CTNNA3: variants seen among roughly 807,000 people sequenced by gnomAD.
CTNNA3 encodes catenin alpha-3.
A neutral mutation model predicts 95.7 loss-of-function variants in CTNNA3; 76 were observed. The ratio of observed to expected loss-of-function variants is 0.79; its 90% CI spans 0.66 to 0.96. The LOEUF (loss-of-function observed/expected upper bound fraction) is 0.96, where lower values mean the gene tolerates loss of function less well. CTNNA3 is among the 40% of genes least tolerant of loss of function. The pLI, the probability that CTNNA3 is intolerant of heterozygous loss-of-function variation, is 0.00. For missense variants in CTNNA3, 1,191 were observed against 1,089.8 expected (o/e 1.09, Z -1.31); for synonymous variants, 431 against 374.4 (o/e 1.15, Z -1.74).
At chr10:67,739,995 A>G (rs1324285056) in intron 1 of CTNNA3, among the ~76,000 whole-genome samples, 5 of 152,184 alleles carry the variant, frequency 3.3e-5, no homozygotes, top group Non-Finnish European at 5.9e-5. Flanking sequence ...GCCCTCAGAA[A>G]TAACGCCGCA....
intron 9 of CTNNA3, among the ~76,000 whole-genome samples, chr10:66,651,800 G>GGCCCTTGATCGCGGCACACTGCAGC (rs138035312): frequency 6.6e-6 from 1 of 151,348 alleles, no homozygotes; most frequent in African/African-American, 2.4e-5. Context: ...AACCCGCATT[G>GGCCCTTGATCGCGGCACACTGCAGC]GCCGGTTCCC....
At chr10:67,156,432 C>CT (rs1263039493) in intron 7 of CTNNA3, among the ~76,000 whole-genome samples, 2 of 151,682 alleles carry the variant, frequency 1.3e-5, no homozygotes, top group African/African-American at 4.8e-5. Flanking sequence ...AAACTTCCCT[C>CT]TTAGTACTGG....
At chr10:66,955,883 G>T (rs1331079746) in intron 7 of CTNNA3, among the ~76,000 whole-genome samples, 2 of 152,068 alleles carry the variant, frequency 1.3e-5, no homozygotes, top group Non-Finnish European at 2.9e-5. Context: ...GATCTGACTG[G>T]GGGGTATCTT....
At chr10:66,285,094 A>G (rs1190833280) in intron 12 of CTNNA3, among the ~76,000 whole-genome samples, 1 of 151,626 alleles carries the variant, frequency 6.6e-6, no homozygotes, top group Non-Finnish European at 1.5e-5. Flanking sequence ...GATATGTCCC[A>G]AAGTACTGAC....
intron 7 of CTNNA3, among the ~76,000 whole-genome samples, chr10:67,153,058 C>A (rs746800928): frequency 1.8e-4 from 27 of 152,102 alleles, no homozygotes; most frequent in Non-Finnish European, 2.4e-4. Flanking sequence ...TCACTGCAAC[C>A]TCTGCCTCCC....
At chr10:67,185,271 G>A (rs147585055) in intron 6 of CTNNA3, among the ~76,000 whole-genome samples, 3,553 of 152,028 alleles carry the variant, frequency 0.023, 118 homozygotes, top group African/African-American at 0.074. Context: ...GGGACTACAG[G>A]TACACGTCAC....
intron 5 of CTNNA3, among the ~76,000 whole-genome samples, chr10:67,317,716 G>A (rs561331315): frequency 3.3e-5 from 5 of 152,126 alleles, no homozygotes; most frequent in Admixed American, 2.0e-4. Context: ...GAGCCACCGC[G>A]CCTGGCCATC....
rs1314166017 is a variant in CTNNA3, at chr10:67,719,134, G to T, written c.-2+44300C>A. Among the ~76,000 whole-genome samples, 3 of 152,076 alleles carry T rather than the reference G, an allele frequency of 2.0e-5. No homozygotes were observed. In the South Asian group the frequency reaches 6.2e-4, roughly 32 times the overall value. On this transcript the variant is annotated intron_variant, in intron 1 of 17. Transcript: ENST00000684154. ...CTCTGATGGTAGTTTGTATTTCTGT[G>T]GGATCAGTGGTGATAACCCCTTTAT...
chr10:66,426,056 C>G (rs1008009575), intron 11 of CTNNA3, among the ~76,000 whole-genome samples: 7 of 152,068 alleles, frequency 4.6e-5, no homozygotes, highest in Non-Finnish European at 1.5e-5. Context: ...TATCATATGA[C>G]TGTTTCATTC....
intron 1 of CTNNA3, among the ~76,000 whole-genome samples, chr10:67,726,141 T>C (rs1383637533): frequency 9.2e-6 from 1 of 109,230 alleles, no homozygotes; most frequent in Non-Finnish European, 1.7e-5. Flanking sequence ...ATATATATTA[T>C]ATTATATATT....
At chr10:67,555,519 G>A (rs1321158029) in intron 3 of CTNNA3, among the ~76,000 whole-genome samples, 3 of 152,088 alleles carry the variant, frequency 2.0e-5, no homozygotes, top group African/African-American at 7.2e-5. Flanking sequence ...TGAAGCAATT[G>A]TGAATGAGAG....
chr10:66,256,779 C>T (rs904150475), intron 13 of CTNNA3, among the ~76,000 whole-genome samples: 41 of 151,672 alleles, frequency 2.7e-4, no homozygotes, highest in African/African-American at 8.2e-4. Context: ...AATTACATGG[C>T]GACAGCACTG....
At chr10:66,636,134 A>G (rs60456029) in intron 9 of CTNNA3, among the ~76,000 whole-genome samples, 2,950 of 151,974 alleles carry the variant, frequency 0.019, 102 homozygotes, top group African/African-American at 0.068. Context: ...CTATGATTTC[A>G]TATCCCCTCA....
At chr10:66,109,411 C>A (rs966179051) in intron 13 of CTNNA3, among the ~76,000 whole-genome samples, 4 of 152,106 alleles carry the variant, frequency 2.6e-5, no homozygotes, top group African/African-American at 7.2e-5. Flanking sequence ...TAGCACCAAC[C>A]CTAGCTTCTA....
chr10:67,539,268 C>T (rs1250285248), intron 4 of CTNNA3, among the ~76,000 whole-genome samples: 1 of 151,998 alleles, frequency 6.6e-6, no homozygotes, highest in Admixed American at 6.6e-5. Flanking sequence ...TTTTCCTAGC[C>T]ATTTCCTTAT....
intron 13 of CTNNA3, among the ~76,000 whole-genome samples, chr10:66,231,600 T>C (rs748548343): frequency 5.9e-5 from 9 of 152,190 alleles, no homozygotes; most frequent in Non-Finnish European, 1.3e-4. Flanking sequence ...TTATACAATG[T>C]AATTAGTGGT....
chr10:66,412,542 G>A (rs1255716069), intron 11 of CTNNA3, among the ~76,000 whole-genome samples: 1 of 148,094 alleles, frequency 6.8e-6, no homozygotes, highest in Non-Finnish European at 1.5e-5. Context: ...CTCACTGCAA[G>A]TTCTGTCTCC....
At chr10:66,100,999 G>A (rs1286223589) in intron 14 of CTNNA3, among the ~76,000 whole-genome samples, 1 of 152,142 alleles carries the variant, frequency 6.6e-6, no homozygotes, top group Non-Finnish European at 1.5e-5. Context: ...ATTCTAAAAA[G>A]AGCCTTAATT....
rs1005230028 is a variant in CTNNA3 at position 67,671,842 on chromosome 10, C to A, written c.-6+24158G>T. ...CATACGTGTGCATGTGTCTTTATAG[C>A]AGCATGATTTATAATCCTTTGGGTA... On this transcript the variant is annotated intron_variant, in intron 1 of 17. Transcript: ENST00000433211. Among the ~76,000 whole-genome samples the A allele has an allele frequency of 5.3e-5, 8 of 152,020 alleles. 1 individual carries two copies. The South Asian group carries it at 1.0e-3, about 20-fold the overall frequency.
Sources: gnomAD v4.1 joint callset for allele counts (sites outside exome capture counted in the v4.1 genomes callset) on GRCh38, gnomAD v4.1.1 for gene constraint, MANE v1.5 for transcripts, NCBI Gene and HGNC (gene_info 2026-07-23, HGNC 2026-07-21) for gene names.